FOXN3: variants seen among roughly 807,000 people sequenced by gnomAD.
FOXN3 encodes forkhead box protein N3.
Under a neutral mutation model 38.4 loss-of-function variants are expected in FOXN3, and 7 were observed. That is an observed-to-expected ratio of 0.18 (90% CI 0.10 to 0.34). The LOEUF is 0.34. Among genes scored for constraint, FOXN3 ranks in the 10% least tolerant of loss-of-function variants. The probability of loss-of-function intolerance (pLI) is 1.00; values close to 1 mark genes in which losing one functional copy is unlikely to be tolerated. For synonymous variants in FOXN3, 230 were observed against 242.2 expected (o/e 0.95, Z 0.47); for missense variants, 456 against 613.4 (o/e 0.74, Z 2.71).
Position 89,336,907 on chromosome 14 carries a change from G to A in FOXN3, c.680+13765C>T, listed in dbSNP as rs535267211. Among the ~76,000 whole-genome samples the A allele has an allele frequency of 1.6e-4, 25 of 152,288 alleles. No homozygotes were observed. The South Asian group carries it at 5.2e-3, about 32-fold the overall frequency. On this transcript the variant is annotated intron_variant, in intron 3 of 5. Coordinates refer to ENST00000557258, the MANE Select transcript of FOXN3 (RefSeq NM_005197.4). ...CTATAACTTTAACTTCAACAACTCT[G>A]ATGATGGAACATGCCACATCTAAGG... is the stretch of plus-strand genomic sequence containing the variant.
At chr14:89,326,178 G>A (rs1888078159) in intron 3 of FOXN3, among the ~76,000 whole-genome samples, 1 of 152,114 alleles carries the variant, frequency 6.6e-6, no homozygotes, top group African/African-American at 2.4e-5. Context: ...CCATGTCCCT[G>A]CCCTCCCAGA....
intron 1 of FOXN3, among the ~76,000 whole-genome samples, chr14:89,413,778 AAAG>A (rs1479104000): frequency 8.3e-5 from 10 of 120,248 alleles, no homozygotes; most frequent in African/African-American, 1.7e-4. Context: ...AGAAGGAAAA[AAAG>A]AAGGGAAGGG....
intron 1 of FOXN3, among the ~76,000 whole-genome samples, chr14:89,530,729 C>T (rs1473004673): frequency 6.6e-6 from 1 of 151,342 alleles, no homozygotes; most frequent in Non-Finnish European, 1.5e-5. Flanking sequence ...CCTGCTTTAG[C>T]TTTCCAAGTA....
intron 1 of FOXN3, among the ~76,000 whole-genome samples, chr14:89,486,319 C>T (rs938524179): frequency 2.6e-5 from 4 of 152,100 alleles, no homozygotes; most frequent in Non-Finnish European, 5.9e-5. Context: ...ACGACTCACA[C>T]CAGAATTTTA....
chr14:89,409,836 G>A (rs1223307716), intron 2 of FOXN3, among the ~76,000 whole-genome samples: 1 of 152,186 alleles, frequency 6.6e-6, no homozygotes, highest in Admixed American at 6.5e-5. Flanking sequence ...AAGTCCAGAG[G>A]TGGCTCTCCA....
chr14:89,451,891 C>G (rs1227295646), intron 1 of FOXN3, among the ~76,000 whole-genome samples: 1 of 151,996 alleles, frequency 6.6e-6, no homozygotes, highest in Admixed American at 6.6e-5. Context: ...TCATACCGAC[C>G]CCAGAGGAAG....
chr14:89,544,575 G>A (rs1894850597), intron 1 of FOXN3, among the ~76,000 whole-genome samples: 1 of 152,074 alleles, frequency 6.6e-6, no homozygotes, highest in African/African-American at 2.4e-5. Context: ...CCTTGGGCCA[G>A]GCCTTATTTG....
In FOXN3 at chr14:89,485,598, C is replaced by G. The variant is rs149093843; in HGVS notation, c.-14-73108G>C. 3.2e-3 allele frequency among the ~76,000 whole-genome samples: 480 copies of G among 152,174 alleles called. 4 individuals are homozygous for G. Among genetic ancestry groups the G allele is most frequent in the African/African-American group, 0.011 (460 of 41,508 alleles). On this transcript the variant is annotated intron_variant, in intron 1 of 6. Transcript: ENST00000345097. ...CAGGGTGTGGACAGGCCCAGAGAAG[C>G]AGAAAAGATCAGCAAAGCAGTGGCC...
chr14:89,549,482 A>C (rs1251392857), intron 1 of FOXN3, among the ~76,000 whole-genome samples: 1 of 152,100 alleles, frequency 6.6e-6, no homozygotes, highest in Non-Finnish European at 1.5e-5. Context: ...CTCTGAGCAG[A>C]GCCCTCTCTG....
intron 1 of FOXN3, among the ~76,000 whole-genome samples, chr14:89,511,342 G>T (rs1488657182): frequency 6.9e-6 from 1 of 144,188 alleles, no homozygotes; most frequent in African/African-American, 2.6e-5. Flanking sequence ...TGCTTAGGCT[G>T]CAGTGCAATG....
At chr14:89,374,403 C>A (rs1890412634) in intron 2 of FOXN3, among the ~76,000 whole-genome samples, 1 of 151,796 alleles carries the variant, frequency 6.6e-6, no homozygotes, top group Non-Finnish European at 1.5e-5. Flanking sequence ...CTTGTATGAC[C>A]CACCAATCCC....
intron 1 of FOXN3, among the ~76,000 whole-genome samples, chr14:89,427,036 A>G (rs1248113931): frequency 3.3e-5 from 5 of 151,754 alleles, no homozygotes; most frequent in Non-Finnish European, 7.4e-5. Flanking sequence ...GTTCGAGACC[A>G]GCCTGGCCAA....
chr14:89,158,255 C>T lies in FOXN3; in HGVS notation c.*4159G>A, dbSNP rs1356704171. On this transcript the variant is annotated 3_prime_UTR_variant, in exon 6 of 6. Coordinates refer to ENST00000557258, the MANE Select transcript of FOXN3 (RefSeq NM_005197.4). ...TGAGCTGGGCACAGAAGGCCTCCAC[C>T]TGGTTCTCACTCTACAGAGCCCACT... 6.6e-6 allele frequency: 1 copy of T among 152,324 alleles called. No individual in the cohort carries two copies. Among genetic ancestry groups the T allele is most frequent in the Admixed American group, 6.5e-5 (1 of 15,286 alleles). The allele number at this position is 152,324 out of a possible 1,614,324, so 9.4% of individuals were successfully genotyped here.
chr14:89,255,018 C>T (rs555489879), intron 4 of FOXN3, among the ~76,000 whole-genome samples: 21 of 151,108 alleles, frequency 1.4e-4, no homozygotes, highest in African/African-American at 5.2e-4. Context: ...TTCCCATGTG[C>T]GGCGCATTTG....
chr14:89,249,119 TC>T (rs1262606662), intron 4 of FOXN3, among the ~76,000 whole-genome samples: 1 of 152,226 alleles, frequency 6.6e-6, no homozygotes, highest in Non-Finnish European at 1.5e-5. Context: ...TTTCAGGGGC[TC>T]ATTCAAATCA....
At chr14:89,378,973 G>C (rs533717487) in intron 2 of FOXN3, among the ~76,000 whole-genome samples, 2 of 152,274 alleles carry the variant, frequency 1.3e-5, no homozygotes, top group African/African-American at 4.8e-5. Flanking sequence ...TCCCAAAGGG[G>C]TGGGATTACA....
chr14:89,540,027 T>A (rs1452949104), intron 1 of FOXN3, among the ~76,000 whole-genome samples: 1 of 152,140 alleles, frequency 6.6e-6, no homozygotes, highest in Non-Finnish European at 1.5e-5. Flanking sequence ...TTCTATGAAA[T>A]CCGATAGCCA....
intron 1 of FOXN3, among the ~76,000 whole-genome samples, chr14:89,580,627 C>G (rs998817621): frequency 1.3e-5 from 2 of 152,182 alleles, no homozygotes; most frequent in African/African-American, 4.8e-5. Flanking sequence ...TGATCCCCCT[C>G]CAGAATTGAG....
chr14:89,496,100 C>G (rs1893676112), intron 1 of FOXN3, among the ~76,000 whole-genome samples: 1 of 152,092 alleles, frequency 6.6e-6, no homozygotes, highest in Admixed American at 6.6e-5. Context: ...GTAATCCCAG[C>G]TACTCGGGAG....
Sources: gnomAD v4.1 joint callset for allele counts (sites outside exome capture counted in the v4.1 genomes callset) on GRCh38, gnomAD v4.1.1 for gene constraint, MANE v1.5 for transcripts, NCBI Gene and HGNC (gene_info 2026-07-23, HGNC 2026-07-21) for gene names.